The following CSMD3 variants were observed in gnomAD, a reference collection of about 807,000 sequenced individuals.
CSMD3 encodes the protein CUB and sushi domain-containing protein 3.
A neutral mutation model predicts 435.2 loss-of-function variants in CSMD3; 177 were observed. The observed-to-expected ratio is 0.41, with a 90% CI of 0.36 to 0.46. The LOEUF is 0.46. Among genes scored for constraint, CSMD3 ranks in the 20% least tolerant of loss-of-function variants. The pLI is 0.34. For missense variants in CSMD3, 4,265 were observed against 4,504.6 expected, an observed-to-expected ratio of 0.95 and a Z score of 1.52; for synonymous variants, 1,656 against 1,520.5, an observed-to-expected ratio of 1.09 and a Z score of -2.07.
chr8:112,549,250 A>G (rs1055134005), intron 27 of CSMD3, among the ~76,000 whole-genome samples: 1 of 152,090 alleles, frequency 6.6e-6, no homozygotes, highest in African/African-American at 2.4e-5. Flanking sequence ...TCCCACTTAA[A>G]AAAATAAACA....
intron 10 of CSMD3, among the ~76,000 whole-genome samples, chr8:112,904,395 C>A (rs1026165168): frequency 2.0e-5 from 3 of 151,346 alleles, no homozygotes; most frequent in African/African-American, 7.3e-5. Context: ...CAAATACATA[C>A]AATTTTGTCT....
chr8:113,200,862 T>G (rs1445071544), intron 3 of CSMD3, among the ~76,000 whole-genome samples: 2 of 151,780 alleles, frequency 1.3e-5, no homozygotes, highest in Admixed American at 1.3e-4. Context: ...GAACAAAAAT[T>G]TCTTCTGTAT....
intron 3 of CSMD3, among the ~76,000 whole-genome samples, chr8:113,243,208 T>C (rs1250984184): frequency 6.6e-6 from 1 of 151,980 alleles, no homozygotes. Context: ...AAATTATTTA[T>C]CCACACATTC....
chr8:113,038,274 T>C lies in CSMD3; in HGVS notation c.918-19095A>G, dbSNP rs571724549. 1.1e-4 allele frequency among the ~76,000 whole-genome samples: 17 copies of C among 152,204 alleles called. No individual in the cohort carries two copies. In the East Asian group the frequency reaches 2.9e-3, roughly 26 times the overall value. On this transcript the variant is annotated intron_variant, in intron 5 of 70. Coordinates refer to ENST00000297405, the MANE Select transcript of CSMD3 (RefSeq NM_198123.2). ...ATAGAACATTTACAGTTAGACACAG[T>C]CATAAAGATAACATAAAAATCATCA...
rs145457521 is a variant in CSMD3, at chr8:112,650,304, A to G, written c.3050T>C (p.Val1017Ala). 2 of 1,613,954 alleles carry G rather than the reference A, an allele frequency of 1.2e-6. No homozygotes were observed. Among genetic ancestry groups the G allele is most frequent in the Admixed American group, 1.7e-5 (1 of 60,016 alleles). ...TYSCLDPGIPVHGRRYGHDFS... is the reference protein window; with the variant it reads ...TYSCLDPGIPAHGRRYGHDFS... Reference sequence around the variant, plus strand: ...ATCATGACCATAGCGACGGCCATGTACAGGTATGCCAGGGTCCAAACAAGA... The same window carrying G: ...ATCATGACCATAGCGACGGCCATGTGCAGGTATGCCAGGGTCCAAACAAGA... The change falls in exon 19 of 71, where the codon GTA becomes GCA. Residue 1017 changes from valine to alanine, a missense_variant. Val to Ala is a moderately conservative substitution (Grantham distance 64). This residue lies in a region of CSMD3 where 3,255 missense variants were observed against 3,380.2 expected (regional missense o/e 0.96). Coordinates refer to ENST00000297405, the MANE Select transcript of CSMD3 (RefSeq NM_198123.2).
At position 112,805,861 on chromosome 8, in the gene CSMD3, A is replaced by G. The variant is rs549033335; in HGVS notation, c.1860-5587T>C. ...TCATTTACAGAAAAAACTTAAAGAA[A>G]TTTGTCCCAGTGGGGGATCTGTAAG... On this transcript the variant is annotated intron_variant, in intron 12 of 70. Transcript: ENST00000297405. Among the ~76,000 whole-genome samples the G allele has an allele frequency of 3.3e-5, 5 of 152,236 alleles. No individual in the cohort carries two copies. In the South Asian group the frequency reaches 8.3e-4, roughly 25 times the overall value.
chr8:112,517,065 G>A lies in CSMD3; in HGVS notation c.4725C>T (p.Tyr1575=). 6.2e-7 allele frequency: 1 copy of A among 1,613,674 alleles called. No homozygotes were observed. Among genetic ancestry groups the A allele is most frequent in the Non-Finnish European group, 8.5e-7 (1 of 1,179,834 alleles). ...RITCIQVENR[Y]FWQPSPPVCI... ...AGACTGGTGGGCTGGGCTGCCAGAAGTACCGATTTTCTACCTGAATGCAGG... is the reference window on the plus strand; with the variant it reads ...AGACTGGTGGGCTGGGCTGCCAGAAATACCGATTTTCTACCTGAATGCAGG... The change falls in exon 28 of 71, where the codon TAC becomes TAT. Residue 1575 remains tyrosine, a synonymous_variant. Transcript: ENST00000297405.
chr8:112,626,251 C>G (rs983767721), intron 22 of CSMD3, among the ~76,000 whole-genome samples: 4 of 152,114 alleles, frequency 2.6e-5, no homozygotes, highest in Non-Finnish European at 1.5e-5. Context: ...AAGCCCACCC[C>G]TGTTGATGCC....
rs1458532617 is a variant in CSMD3, at chr8:113,436,757, A to G, written c.98T>C (p.Ile33Thr). 1.9e-6 allele frequency: 3 copies of G among 1,614,128 alleles called. No homozygotes were observed. Among genetic ancestry groups the G allele is most frequent in the Non-Finnish European group, 2.5e-6 (3 of 1,180,036 alleles). The change falls in exon 1 of 71, where the codon ATC becomes ACC. Residue 33 changes from isoleucine to threonine, a missense_variant. By Grantham distance (89) the Ile-to-Thr change is moderately conservative. Around this residue, in one of 3 missense-constraint regions of CSMD3, gnomAD observed 731 missense variants for 755.4 expected, o/e 0.97. Transcript: ENST00000297405. ...RCAKCGRLDF[I>T]LMKKMGIKSG... ...TTTAATCCCCATTTTCTTCATCAGG[A>G]TGAAGTCTAGGCGGCCACATTTAGC...
At chr8:112,423,853 T>TAC (rs1199272158) in intron 32 of CSMD3, among the ~76,000 whole-genome samples, 2 of 152,040 alleles carry the variant, frequency 1.3e-5, no homozygotes, top group Admixed American at 1.3e-4. Flanking sequence ...CCAAAGCTTT[T>TAC]ATATATATAT....
intron 13 of CSMD3, among the ~76,000 whole-genome samples, chr8:112,748,644 C>T (rs1289723110): frequency 6.6e-6 from 1 of 152,110 alleles, no homozygotes; most frequent in African/African-American, 2.4e-5. Context: ...CTTCCAGCTC[C>T]ATCCATGTTC....
At chr8:113,246,494 T>C (rs1477388283) in intron 3 of CSMD3, among the ~76,000 whole-genome samples, 1 of 152,158 alleles carries the variant, frequency 6.6e-6, no homozygotes, top group African/African-American at 2.4e-5. Context: ...ACTTAATTCT[T>C]TAGATATAAT....
At chr8:112,514,381 A>G (rs1823459770) in intron 28 of CSMD3, among the ~76,000 whole-genome samples, 1 of 152,156 alleles carries the variant, frequency 6.6e-6, no homozygotes, top group Non-Finnish European at 1.5e-5. Context: ...TGCCCATCTA[A>G]CCATAAAGCA....
chr8:112,502,494 G>C (rs1822071256), intron 30 of CSMD3, among the ~76,000 whole-genome samples: 1 of 152,174 alleles, frequency 6.6e-6, no homozygotes, highest in Non-Finnish European at 1.5e-5. Context: ...AGAGATATCG[G>C]AGGACTCCAA....
intron 32 of CSMD3, among the ~76,000 whole-genome samples, chr8:112,433,246 GA>G (rs1297234143): frequency 2.3e-5 from 1 of 42,588 alleles, no homozygotes; most frequent in East Asian, 5.6e-4. Context: ...TTCAAGGGCA[GA>G]AATAACAAAG....
intron 20 of CSMD3, 135 bp downstream of exon 20, chr8:112,644,974 G>T: frequency 1.4e-6 from 1 of 696,646 alleles, no homozygotes; most frequent in East Asian, 2.5e-5. Flanking sequence ...TATTTAAATT[G>T]AAATGTGTTT....
intron 22 of CSMD3, among the ~76,000 whole-genome samples, chr8:112,618,743 A>G (rs1394719674): frequency 6.6e-6 from 1 of 152,132 alleles, no homozygotes. Context: ...ATTTCTGGCT[A>G]TAGGCTTTAT....
At chr8:112,396,492 T>C (rs1830873743) in intron 35 of CSMD3, among the ~76,000 whole-genome samples, 1 of 152,142 alleles carries the variant, frequency 6.6e-6, no homozygotes. Flanking sequence ...GTTTGAAACC[T>C]CAGATTTGTG....
chr8:113,273,121 C>T (rs2093542381), intron 3 of CSMD3, among the ~76,000 whole-genome samples: 1 of 151,640 alleles, frequency 6.6e-6, no homozygotes, highest in African/African-American at 2.4e-5. Context: ...CACATATACC[C>T]TATAAATATG....
Sources: allele counts gnomAD v4.1 joint callset (sites outside exome capture counted in the v4.1 genomes callset), GRCh38; gene constraint gnomAD v4.1.1; regional missense constraint gnomAD v4.1.1; transcripts MANE v1.5; gene names NCBI Gene and HGNC (gene_info 2026-07-23, HGNC 2026-07-21).